HMOX2: variants seen among roughly 807,000 people sequenced by gnomAD.
The protein encoded by HMOX2 is heme oxygenase 2, also known as heme oxygenase (decycling) 2.
HMOX2 carries 30 observed loss-of-function variants against 33.7 expected under a neutral mutation model. That is an observed-to-expected ratio of 0.89 (90% CI 0.67 to 1.21). HMOX2 has a LOEUF of 1.21. Among genes scored for constraint, HMOX2 ranks in the 50% most tolerant of loss-of-function variants. The pLI is 0.00. For missense variants in HMOX2, 403 were observed against 399.1 expected (o/e 1.01, Z -0.08); for synonymous variants, 155 against 155.0 (o/e 1.00, Z 0.00).
At position 4,509,989 on chromosome 16, in the gene HMOX2, A is replaced by C; in HGVS notation, c.*233A>C. ...CTGGGAGCAGTCGGCACAGTGCAGC[A>C]AGCCTGGCCCCCGACCCAGCTCTAC... is the stretch of plus-strand genomic sequence containing the variant. On this transcript the variant is annotated 3_prime_UTR_variant, in exon 6 of 6. Coordinates refer to ENST00000570646, the MANE Select transcript of HMOX2 (RefSeq NM_002134.4). 1.8e-6 allele frequency: 1 copy of C among 557,802 alleles called. No homozygotes were observed. 34.6% of individuals were successfully genotyped at this position (557,802 alleles called of 1,614,324 possible). A position where few individuals can be genotyped will look rare whatever the true frequency, so the allele number is the denominator to read the frequency against.
intron 1 of HMOX2, among the ~76,000 whole-genome samples, chr16:4,478,057 G>T (rs2057917817): frequency 6.6e-6 from 1 of 152,212 alleles, no homozygotes; most frequent in Non-Finnish European, 1.5e-5. Flanking sequence ...ACTGGTGAGG[G>T]TGTGGGAATT....
chr16:4,505,633 A>C (rs1178620552), intron 2 of HMOX2, 23 bp downstream of exon 2: 2 of 1,521,238 alleles, frequency 1.3e-6, no homozygotes, highest in Non-Finnish European at 1.8e-6. Flanking sequence ...GGCTGGCTGC[A>C]CTGAATCAGG....
intron 1 of HMOX2, among the ~76,000 whole-genome samples, chr16:4,485,914 A>C (rs1411508759): frequency 6.6e-6 from 1 of 151,682 alleles, no homozygotes; most frequent in Non-Finnish European, 1.5e-5. Flanking sequence ...AGTAGAGACA[A>C]GGTTTCACCA....
chr16:4,509,538 GGTAGGTCT>G lies in HMOX2; in HGVS notation c.823+3_823+10del. ...TTTCTACGCTGCTGAACAAGACAAAGGTAGGTCTGTGTGTCCTGAGCTCCCCTCCTGGG... is the reference window on the plus strand; with the variant it reads ...TTTCTACGCTGCTGAACAAGACAAAGGTGTGTCCTGAGCTCCCCTCCTGGG... On this transcript the variant is annotated splice_donor_variant and splice_donor_5th_base_variant and intron_variant, in intron 5 of 5. Coordinates refer to ENST00000570646, the MANE Select transcript of HMOX2 (RefSeq NM_002134.4). LOFTEE classifies it high-confidence loss of function. 1 of 1,614,156 alleles carries G rather than the reference GGTAGGTCT, an allele frequency of 6.2e-7. No homozygotes were observed. The highest frequency in any genetic ancestry group is 8.5e-7 in the Non-Finnish European group (1 of 1,180,034).
chr16:4,488,450 T>C (rs2058227547), intron 1 of HMOX2, among the ~76,000 whole-genome samples: 1 of 152,194 alleles, frequency 6.6e-6, no homozygotes, highest in African/African-American at 2.4e-5. Flanking sequence ...TGACAGGAAG[T>C]TACACAGTTT....
At chr16:4,480,314 C>T (rs935500645) in intron 1 of HMOX2, among the ~76,000 whole-genome samples, 12 of 147,894 alleles carry the variant, frequency 8.1e-5, no homozygotes, top group African/African-American at 2.5e-4. Flanking sequence ...TCCCAAAGTG[C>T]TAGTATTACA....
chr16:4,487,670 G>A (rs955573044), intron 1 of HMOX2, among the ~76,000 whole-genome samples: 2 of 151,664 alleles, frequency 1.3e-5, no homozygotes, highest in Admixed American at 6.6e-5. Context: ...CGTGGTGGCT[G>A]GCGCCTGTAG....
In HMOX2 at chr16:4,509,714, T is replaced by C. The variant is rs1304367267; in HGVS notation, c.909T>C (p.Gly303=). The change falls in exon 6 of 6, where the codon GGT becomes GGC. Residue 303 remains glycine, a synonymous_variant. Transcript: ENST00000570646. ...GCCTCCAGTTCATCCTGGCCGCTGG[T>C]GTGGCCCTAGCTGCTGGACTCTTGG... ...KPSLQFILAA[G]VALAAGLLAW... The C allele has an allele frequency of 1.2e-6, 2 of 1,613,802 alleles. No homozygotes were observed. Among genetic ancestry groups the C allele is most frequent in the East Asian group, 4.5e-5 (2 of 44,898 alleles).
Position 4,509,440 on chromosome 16 carries a change from C to G in HMOX2, c.725C>G (p.Ser242Cys). ...TTCAATGAACTGGACCAGGCCGGCT[C>G]CACACTGGCCAGAGAGACCTTGGAG... ...QIFNELDQAG[S>C]TLARETLEDG... Residue 242 changes from serine to cysteine, a missense_variant, in exon 5 of 6, where the codon TCC becomes TGC. Coordinates refer to ENST00000570646, the MANE Select transcript of HMOX2 (RefSeq NM_002134.4). 1 of 1,614,060 alleles carries G rather than the reference C, an allele frequency of 6.2e-7. No individual in the cohort carries two copies. Among genetic ancestry groups the G allele is most frequent in the Non-Finnish European group, 8.5e-7 (1 of 1,180,026 alleles).
At chr16:4,494,294 C>T (rs572263005) in intron 1 of HMOX2, among the ~76,000 whole-genome samples, 12 of 147,476 alleles carry the variant, frequency 8.1e-5, no homozygotes, top group African/African-American at 2.5e-4. Flanking sequence ...CCAGTCTGGG[C>T]GACAGAGTGA....
chr16:4,492,612 G>A (rs1042299923), intron 1 of HMOX2, among the ~76,000 whole-genome samples: 2 of 151,922 alleles, frequency 1.3e-5, no homozygotes, highest in Admixed American at 6.6e-5. Flanking sequence ...CCTACTACTC[G>A]GGAGTCTGAG....
chr16:4,509,309 A>G, intron 4 of HMOX2, 103 bp from the exon 5 acceptor site: 2 of 1,438,134 alleles, frequency 1.4e-6, no homozygotes, highest in Admixed American at 2.1e-5. Flanking sequence ...ATAACACTGC[A>G]CTCTAGCCTG....
At chr16:4,499,281 A>AT (rs1466296389) in intron 1 of HMOX2, among the ~76,000 whole-genome samples, 1 of 152,238 alleles carries the variant, frequency 6.6e-6, no homozygotes, top group African/African-American at 2.4e-5. Flanking sequence ...GGATTAATGG[A>AT]TTTTTAAAAG....
At chr16:4,495,310 G>A (rs1401084663) in intron 1 of HMOX2, among the ~76,000 whole-genome samples, 1 of 152,174 alleles carries the variant, frequency 6.6e-6, no homozygotes, top group East Asian at 1.9e-4. Flanking sequence ...AGGGCCTGCT[G>A]GTAGTGCTGG....
intron 1 of HMOX2, 127 bp downstream of exon 1, chr16:4,476,614 G>A (rs1285388911): frequency 1.3e-5 from 2 of 152,308 alleles, no homozygotes; most frequent in Non-Finnish European, 2.9e-5. Context: ...AGCCCTTTGG[G>A]TCCCCTGCGC....
Position 4,509,878 on chromosome 16 carries a change from C to G in HMOX2, c.*122C>G. On this transcript the variant is annotated 3_prime_UTR_variant, in exon 6 of 6. Coordinates refer to ENST00000570646, the MANE Select transcript of HMOX2 (RefSeq NM_002134.4). ...TAAAAAATGCTGGGTTTAAGAAAGGCAACCAATAAAAGCCAGATGCTAGAG... is the reference window on the plus strand; with the variant it reads ...TAAAAAATGCTGGGTTTAAGAAAGGGAACCAATAAAAGCCAGATGCTAGAG... The G allele has an allele frequency of 1.7e-6, 2 of 1,149,570 alleles. No individual in the cohort carries two copies. The highest frequency in any genetic ancestry group is 3.1e-5 in the African/African-American group (2 of 64,368). 71.2% of individuals were successfully genotyped at this position (1,149,570 alleles called of 1,614,324 possible).
intron 1 of HMOX2, among the ~76,000 whole-genome samples, chr16:4,480,855 T>C (rs1007615169): frequency 6.6e-6 from 1 of 150,394 alleles, no homozygotes; most frequent in African/African-American, 2.4e-5. Flanking sequence ...GGTTTCACCA[T>C]GTTAGTCAGG....
At chr16:4,503,638 T>C (rs1218965993) in intron 1 of HMOX2, among the ~76,000 whole-genome samples, 1 of 152,248 alleles carries the variant, frequency 6.6e-6, no homozygotes, top group Non-Finnish European at 1.5e-5. Flanking sequence ...ATATGAGTTA[T>C]TGCTTGACTT....
intron 1 of HMOX2, among the ~76,000 whole-genome samples, chr16:4,504,025 A>C (rs2058625875): frequency 6.6e-6 from 1 of 152,208 alleles, no homozygotes; most frequent in African/African-American, 2.4e-5. Flanking sequence ...ACATTGCCTG[A>C]GCAGAAGCCC....
Sources: allele counts gnomAD v4.1 joint callset (sites outside exome capture counted in the v4.1 genomes callset), GRCh38; gene constraint gnomAD v4.1.1; transcripts MANE v1.5; gene names NCBI Gene and HGNC (gene_info 2026-07-23, HGNC 2026-07-21).